The following GALNT12 variants were observed in gnomAD, a reference collection of about 807,000 sequenced individuals.
GALNT12 encodes UDP-GalNAc:polypeptide N-acetylgalactosaminyltransferase 12.
In GALNT12, 45 loss-of-function variants were observed where a neutral mutation model predicts 55.5. The ratio of observed to expected loss-of-function variants is 0.81; its 90% CI spans 0.64 to 1.04. GALNT12 has a LOEUF of 1.04. GALNT12 is among the 50% of genes least tolerant of loss of function. GALNT12 has a pLI of 0.00. For synonymous variants in GALNT12, 304 were observed against 312.2 expected (o/e 0.97, Z 0.28); for missense variants, 709 against 754.8 (o/e 0.94, Z 0.71).
At chr9:98,839,911 T>C in intron 6 of GALNT12, 91 bp from the exon 7 acceptor site, 1 of 1,527,600 alleles carries the variant, frequency 6.5e-7, no homozygotes, top group Non-Finnish European at 9.1e-7. Context: ...CAAAGCTGGC[T>C]GGTGGTTAGT....
intron 4 of GALNT12, among the ~76,000 whole-genome samples, chr9:98,834,733 C>G (rs1836091392): frequency 6.6e-6 from 1 of 152,212 alleles, no homozygotes; most frequent in Non-Finnish European, 1.5e-5. Context: ...CTTGTGAGAT[C>G]ACACCTCCTC....
chr9:98,819,298 A>C (rs1194137754), intron 1 of GALNT12, among the ~76,000 whole-genome samples: 1 of 152,240 alleles, frequency 6.6e-6, no homozygotes, highest in African/African-American at 2.4e-5. Flanking sequence ...TCTGGAGCAC[A>C]AAGCCTTCCA....
intron 1 of GALNT12, among the ~76,000 whole-genome samples, chr9:98,821,624 C>CAAAAAAAAAAAAAAAG (rs11467276): frequency 8.9e-6 from 1 of 112,030 alleles, no homozygotes; most frequent in Non-Finnish European, 1.9e-5. Flanking sequence ...GACTCCATCT[C>CAAAAAAAAAAAAAAAG]AAAAAAAAAA....
chr9:98,814,529 G>A (rs1835570511), intron 1 of GALNT12, among the ~76,000 whole-genome samples: 1 of 151,952 alleles, frequency 6.6e-6, no homozygotes, highest in Non-Finnish European at 1.5e-5. Flanking sequence ...GTCCAAAATG[G>A]CGAAACCACG....
intron 1 of GALNT12, among the ~76,000 whole-genome samples, chr9:98,811,368 A>G (rs911357036): frequency 6.6e-6 from 1 of 152,240 alleles, no homozygotes; most frequent in Non-Finnish European, 1.5e-5. Flanking sequence ...AATACGGGGA[A>G]CTTGAGATGA....
At position 98,831,789 on chromosome 9, in the gene GALNT12, C is replaced by A. The variant is rs756936867; in HGVS notation, c.749C>A (p.Ser250Ter). 6.2e-7 allele frequency: 1 copy of A among 1,614,158 alleles called. No individual in the cohort carries two copies. Among genetic ancestry groups the A allele is most frequent in the East Asian group, 2.2e-5 (1 of 44,870 alleles). ...GCTTTCAGGATCCATGAAGAGGAGT[C>A]GGCAGTGGTGTGCCCGGTGATTGAT... ...PLLQRIHEEE[S>*]AVVCPVIDVI... Residue 250 changes from serine (S) to a stop codon, truncating the protein, a stop_gained, in exon 4 of 10, where the codon TCG becomes TAG. Transcript: ENST00000375011. LOFTEE classifies it high-confidence loss of function.
At chr9:98,840,816 G>C (rs1836270448) in intron 7 of GALNT12, among the ~76,000 whole-genome samples, 1 of 152,148 alleles carries the variant, frequency 6.6e-6, no homozygotes, top group Admixed American at 6.5e-5. Flanking sequence ...TCAAGATCCT[G>C]CCTCTCTTTA....
intron 3 of GALNT12, among the ~76,000 whole-genome samples, chr9:98,831,008 C>T (rs1213850111): frequency 6.6e-6 from 1 of 152,180 alleles, no homozygotes; most frequent in Admixed American, 6.5e-5. Context: ...CTCAGTCCAT[C>T]TTTCCTGGTG....
At chr9:98,827,390 G>T (rs1835882940) in intron 3 of GALNT12, among the ~76,000 whole-genome samples, 1 of 151,964 alleles carries the variant, frequency 6.6e-6, no homozygotes, top group African/African-American at 2.4e-5. Context: ...TTGTAGAGAT[G>T]GGGTTTCACT....
chr9:98,831,937 A>ATCCCCCG lies in GALNT12; in HGVS notation c.900_906dup (p.Asp303ProfsTer19). 6.2e-7 allele frequency: 1 copy of ATCCCCCG among 1,613,836 alleles called. No individual in the cohort carries two copies. The highest frequency in any genetic ancestry group is 8.5e-7 in the Non-Finnish European group (1 of 1,179,942). ...CTGAGAGGGAGAGGATACGGATGCAATCCCCCGTCGATGTCATCAGGTCAG... is the reference window on the plus strand; with the variant it reads ...CTGAGAGGGAGAGGATACGGATGCAATCCCCCGTCCCCCGTCGATGTCATCAGGTCAG... On this transcript the variant is annotated frameshift_variant, in exon 4 of 10. Coordinates refer to ENST00000375011, the MANE Select transcript of GALNT12 (RefSeq NM_024642.5). LOFTEE classifies it high-confidence loss of function.
At position 98,849,685 on chromosome 9, in the gene GALNT12, A is replaced by G. The variant is rs1481949255; in HGVS notation, c.*593A>G. The G allele has an allele frequency of 4.9e-6, 2 of 404,144 alleles. No homozygotes were observed. Among genetic ancestry groups the G allele is most frequent in the Non-Finnish European group, 8.7e-6 (2 of 229,402 alleles). The allele number at this position is 404,144 out of a possible 1,614,324, so 25.0% of individuals were successfully genotyped here. A position where few individuals can be genotyped will look rare whatever the true frequency, so the allele number is the denominator to read the frequency against. On this transcript the variant is annotated 3_prime_UTR_variant, in exon 10 of 10. Coordinates refer to ENST00000375011, the MANE Select transcript of GALNT12 (RefSeq NM_024642.5). The stretch of plus-strand genomic sequence containing the variant: ...TTGCTACCACAGTTAACACTCCATA[A>G]TGTTCATGTCAGCCAAAGAGGACTA...
Position 98,848,007 on chromosome 9 carries a change from T to C in GALNT12, c.1606-945T>C, listed in dbSNP as rs558581208. On this transcript the variant is annotated intron_variant, in intron 9 of 9. Coordinates refer to ENST00000375011, the MANE Select transcript of GALNT12 (RefSeq NM_024642.5). Reference sequence around the variant, plus strand: ...TTTTGTATTTTTAGTAGAGATGGAGTTTTGCCATGTTGGCCAGGCTGGTCT... The same window carrying C: ...TTTTGTATTTTTAGTAGAGATGGAGCTTTGCCATGTTGGCCAGGCTGGTCT... Among the ~76,000 whole-genome samples the C allele has an allele frequency of 9.2e-5, 14 of 152,054 alleles. No homozygotes were observed. In the East Asian group the frequency reaches 2.3e-3, roughly 25 times the overall value.
chr9:98,819,286 T>C (rs1453507722), intron 1 of GALNT12, among the ~76,000 whole-genome samples: 2 of 152,192 alleles, frequency 1.3e-5, no homozygotes, highest in Non-Finnish European at 1.5e-5. Context: ...CAGGCTCCCT[T>C]CTCTGGAGCA....
chr9:98,818,572 C>A (rs1835667515), intron 1 of GALNT12, among the ~76,000 whole-genome samples: 3 of 151,968 alleles, frequency 2.0e-5, no homozygotes, highest in African/African-American at 7.3e-5. Context: ...AATCTAGTAT[C>A]TAAGCAAGAA....
Position 98,807,968 on chromosome 9 carries a change from G to T in GALNT12, c.270G>T (p.Glu90Asp). ...EAVRLQLQGEELRLQEESVRL... is the reference protein window; with the variant it reads ...EAVRLQLQGEDLRLQEESVRL... ...TGCGGCTGCAGCTGCAGGGCGAGGA[G>T]CTGCGGCTGCAGGAGGAGAGCGTGC... Residue 90 changes from glutamate to aspartate, a missense_variant, in exon 1 of 10, where the codon GAG becomes GAT. By Grantham distance (45) the Glu-to-Asp change is conservative. Around this residue, in one of 5 missense-constraint regions of GALNT12, gnomAD observed 315 missense variants for 288.6 expected, o/e 1.09. Transcript: ENST00000375011. 2 of 1,475,544 alleles carry T rather than the reference G, an allele frequency of 1.4e-6. No homozygotes were observed. Among genetic ancestry groups the T allele is most frequent in the Non-Finnish European group, 9.0e-7 (1 of 1,110,478 alleles). The allele number at this position is 1,475,544 out of a possible 1,614,324, so 91.4% of individuals were successfully genotyped here. A position where few individuals can be genotyped will look rare whatever the true frequency, so the allele number is the denominator to read the frequency against.
At chr9:98,814,882 G>T (rs1419658344) in intron 1 of GALNT12, among the ~76,000 whole-genome samples, 1 of 152,100 alleles carries the variant, frequency 6.6e-6, no homozygotes, top group Non-Finnish European at 1.5e-5. Flanking sequence ...CTCAACAAAT[G>T]GTACTGTTAC....
chr9:98,838,943 C>T (rs556652289), intron 6 of GALNT12, among the ~76,000 whole-genome samples: 4 of 152,310 alleles, frequency 2.6e-5, no homozygotes, highest in African/African-American at 7.2e-5. Flanking sequence ...TACTCTGCAG[C>T]GCACCTCTTG....
chr9:98,827,080 C>A, intron 3 of GALNT12, 139 bp downstream of exon 3: 2 of 901,634 alleles, frequency 2.2e-6, no homozygotes, highest in Non-Finnish European at 3.5e-6. Flanking sequence ...GGAGAGCAGT[C>A]CCTGCTTAGT....
chr9:98,816,758 C>G (rs1588441089), intron 1 of GALNT12, among the ~76,000 whole-genome samples: 1 of 151,338 alleles, frequency 6.6e-6, no homozygotes, highest in African/African-American at 2.4e-5. Context: ...TCAAACCATC[C>G]TTCCACCTCA....
Sources: gnomAD v4.1 joint callset for allele counts (sites outside exome capture counted in the v4.1 genomes callset) on GRCh38, gnomAD v4.1.1 for gene constraint, gnomAD v4.1.1 regional missense constraint, MANE v1.5 for transcripts, NCBI Gene and HGNC (gene_info 2026-07-23, HGNC 2026-07-21) for gene names.